ANG: variants seen among roughly 807,000 people sequenced by gnomAD.
ANG encodes angiogenin.
For synonymous variants in ANG, 74 were observed against 73.8 expected, an observed-to-expected ratio of 1.00 and a Z score of -0.02; for missense variants, 178 against 187.4, an observed-to-expected ratio of 0.95 and a Z score of 0.29.
chr14:20,685,796 C>G (rs1886393747), upstream of ANG, among the ~76,000 whole-genome samples: 2 of 152,048 alleles, frequency 1.3e-5, no homozygotes, highest in Non-Finnish European at 2.9e-5. Flanking sequence ...AATCCCAGCA[C>G]TTTGGGAGGC....
chr14:20,694,011 A>G lies in ANG; in HGVS notation c.*3A>G. ...AGTCAATTTTCCGTCGTCCGTAACC[A>G]GCGGGCCCCTGGTCAAGTGCTGGCT... is the stretch of plus-strand genomic sequence containing the variant. On this transcript the variant is annotated 3_prime_UTR_variant, in exon 2 of 2. Coordinates refer to ENST00000397990, the MANE Select transcript of ANG (RefSeq NM_001097577.3). The G allele has an allele frequency of 6.2e-7, 1 of 1,614,166 alleles. No homozygotes were observed. Among genetic ancestry groups the G allele is most frequent in the Non-Finnish European group, 8.5e-7 (1 of 1,180,030 alleles).
chr14:20,693,370 C>T, intron 1 of ANG, 177 bp from the exon 2 acceptor site: 1 of 768,520 alleles, frequency 1.3e-6, no homozygotes, highest in Non-Finnish European at 2.1e-6. Flanking sequence ...ATAGACGTTC[C>T]GCAGGAAGGG....
Position 20,693,868 on chromosome 14 carries a change from G to A in ANG, c.304G>A (p.Val102Ile). The change falls in exon 2 of 2, where the codon GTC becomes ATC. Residue 102 changes from valine (V) to isoleucine (I), a missense_variant. Coordinates refer to ENST00000397990, the MANE Select transcript of ANG (RefSeq NM_001097577.3). ...NLRISKSSFQ[V>I]TTCKLHGGSP... ...AAGAATAAGCAAGTCTTCTTTCCAG[G>A]TCACCACTTGCAAGCTACATGGAGG... 6.2e-7 allele frequency: 1 copy of A among 1,614,178 alleles called. No homozygotes were observed. Among genetic ancestry groups the A allele is most frequent in the South Asian group, 1.1e-5 (1 of 91,078 alleles).
At chr14:20,690,239 A>AAAAAAAAAAAAAAG (rs1886667469) in intron 1 of ANG, among the ~76,000 whole-genome samples, 1 of 149,732 alleles carries the variant, frequency 6.7e-6, no homozygotes, top group African/African-American at 2.5e-5. Context: ...AAAAAAAAAA[A>AAAAAAAAAAAAAAG]AAAAAAAAAG....
At chr14:20,685,994 T>A (rs1356958790), upstream of ANG, among the ~76,000 whole-genome samples, 1 of 150,112 alleles carries the variant, frequency 6.7e-6, no homozygotes, top group Non-Finnish European at 1.5e-5. Flanking sequence ...GAACAGAGAT[T>A]GCGTCACTGC....
In ANG at chr14:20,694,088, C is replaced by T; in HGVS notation, c.*80C>T. ...TCTGCACCCAGAACAGTGGTGGCAA[C>T]ATTCATTGCCAAGGGCCCAAAGAAA... is the stretch of plus-strand genomic sequence containing the variant. On this transcript the variant is annotated 3_prime_UTR_variant, in exon 2 of 2. Coordinates refer to ENST00000397990, the MANE Select transcript of ANG (RefSeq NM_001097577.3). 2.7e-6 allele frequency: 4 copies of T among 1,498,358 alleles called. No individual in the cohort carries two copies. The highest frequency in any genetic ancestry group is 3.7e-6 in the Non-Finnish European group (4 of 1,074,952). The allele number at this position is 1,498,358 out of a possible 1,614,324, so 92.8% of individuals were successfully genotyped here.
chr14:20,693,840 C>T lies in ANG; in HGVS notation c.276C>T (p.Asn92=). 28 of 1,614,210 alleles carry T rather than the reference C, an allele frequency of 1.7e-5. No individual in the cohort carries two copies. The highest frequency in any genetic ancestry group is 2.3e-5 in the Non-Finnish European group (27 of 1,180,038). ...ENKNGNPHRE[N]LRISKSSFQV... is the part of the protein sequence containing the mutation. ...AGAATGGAAACCCTCACAGAGAAAA[C>T]CTAAGAATAAGCAAGTCTTCTTTCC... Residue 92 remains asparagine (N), a synonymous_variant, in exon 2 of 2, where the codon AAC becomes AAT. Transcript: ENST00000397990.
At chr14:20,687,114 C>T (rs1174865951), upstream of ANG, among the ~76,000 whole-genome samples, 1 of 152,126 alleles carries the variant, frequency 6.6e-6, no homozygotes, top group Non-Finnish European at 1.5e-5. Context: ...AAATTACTGA[C>T]AAAGATGTGA....
upstream of ANG, among the ~76,000 whole-genome samples, chr14:20,686,790 T>C (rs1159800709): frequency 6.6e-6 from 1 of 152,250 alleles, no homozygotes; most frequent in African/African-American, 2.4e-5. Flanking sequence ...TTCATGCTTA[T>C]AGACCTAAAG....
chr14:20,686,720 T>C (rs1345292541), upstream of ANG, among the ~76,000 whole-genome samples: 1 of 152,230 alleles, frequency 6.6e-6, no homozygotes, highest in Non-Finnish European at 1.5e-5. Flanking sequence ...CCTGGAGACG[T>C]GGTTCTTCTT....
chr14:20,684,775 GCTC>G (rs879661808), upstream of ANG: 15 of 153,440 alleles, frequency 9.8e-5, no homozygotes, highest in Non-Finnish European at 2.0e-4. Context: ...TCACACTCCT[GCTC>G]CTCCTCCTCC....
At chr14:20,690,594 C>T (rs1886695059) in intron 1 of ANG, among the ~76,000 whole-genome samples, 1 of 151,968 alleles carries the variant, frequency 6.6e-6, no homozygotes, top group South Asian at 2.1e-4. Context: ...GATTACAGGC[C>T]CCCAACTAAA....
At chr14:20,690,774 AT>A (rs1345011680) in intron 1 of ANG, among the ~76,000 whole-genome samples, 1 of 152,228 alleles carries the variant, frequency 6.6e-6, no homozygotes, top group Non-Finnish European at 1.5e-5. Context: ...AATGAAGTCA[AT>A]TACTTAAAAA....
chr14:20,686,909 G>A (rs891180813), upstream of ANG, among the ~76,000 whole-genome samples: 4 of 152,184 alleles, frequency 2.6e-5, no homozygotes, highest in Non-Finnish European at 5.9e-5. Context: ...GTATGAAGGA[G>A]GAAAGTGCTC....
Position 20,692,973 on chromosome 14 carries a change from G to C in ANG, c.-18-574G>C, listed in dbSNP as rs7143451. Among the ~76,000 whole-genome samples the C allele has an allele frequency of 8.3e-4, 126 of 151,460 alleles. 2 individuals are homozygous for C. The East Asian group carries it at 0.019, about 23-fold the overall frequency. ...CGCCATTCTCCTGCCTCAGCCTCCC[G>C]AGTAGCTGGGACTACAGGCGCCCGC... is the stretch of plus-strand genomic sequence containing the variant. On this transcript the variant is annotated intron_variant, in intron 1 of 1. Coordinates refer to ENST00000397990, the MANE Select transcript of ANG (RefSeq NM_001097577.3).
chr14:20,691,659 C>T (rs977079812), intron 1 of ANG, among the ~76,000 whole-genome samples: 5 of 152,208 alleles, frequency 3.3e-5, no homozygotes, highest in Non-Finnish European at 7.3e-5. Flanking sequence ...GGACAAATGT[C>T]GGTGCGGACA....
chr14:20,693,089 C>T (rs577138365), intron 1 of ANG, among the ~76,000 whole-genome samples: 6 of 152,094 alleles, frequency 3.9e-5, no homozygotes, highest in South Asian at 2.1e-4. Flanking sequence ...CCTCGTGATC[C>T]GCCCGCCTTG....
upstream of ANG, among the ~76,000 whole-genome samples, chr14:20,688,106 G>A (rs1454744559): frequency 1.3e-5 from 2 of 152,182 alleles, no homozygotes; most frequent in African/African-American, 4.8e-5. Context: ...AGGATCAGAA[G>A]ATTGAATGTT....
intron 1 of ANG, among the ~76,000 whole-genome samples, chr14:20,689,802 G>A (rs915751747): frequency 6.6e-6 from 1 of 151,806 alleles, no homozygotes; most frequent in African/African-American, 2.4e-5. Flanking sequence ...TGTAATCCCA[G>A]CTACTTGGGA....
Sources: allele counts gnomAD v4.1 joint callset (sites outside exome capture counted in the v4.1 genomes callset), GRCh38; gene constraint gnomAD v4.1.1; transcripts MANE v1.5; gene names NCBI Gene and HGNC (gene_info 2026-07-23, HGNC 2026-07-21).